Variants in ATP6V1A observed in about 807,000 individuals in gnomAD.
ATP6V1A encodes V-type proton ATPase catalytic subunit A.
A neutral mutation model predicts 70.1 loss-of-function variants in ATP6V1A; 18 were observed. That is an observed-to-expected ratio of 0.26 (90% confidence interval 0.18 to 0.38). The LOEUF (loss-of-function observed/expected upper bound fraction) is 0.38. Among genes scored for constraint, ATP6V1A ranks in the 10% least tolerant of loss-of-function variants. The probability of loss-of-function intolerance (pLI) is 1.00; values close to 1 mark genes in which losing one functional copy is unlikely to be tolerated. For missense variants in ATP6V1A, 424 were observed against 772.4 expected (o/e 0.55, Z 5.35); for synonymous variants, 232 against 253.8 (o/e 0.91, Z 0.82).
intron 1 of ATP6V1A, among the ~76,000 whole-genome samples, chr3:113,770,975 AT>A (rs904823686): frequency 2.8e-4 from 43 of 151,590 alleles, no homozygotes; most frequent in African/African-American, 1.0e-3. Context: ...CATGCCTGTA[AT>A]TCCAGCTACT....
chr3:113,758,411 C>A (rs781000023), intron 1 of ATP6V1A, among the ~76,000 whole-genome samples: 77 of 152,258 alleles, frequency 5.1e-4, no homozygotes, highest in African/African-American at 1.8e-3. Context: ...CTTTGTTCCT[C>A]TTTTTAATCC....
At chr3:113,774,786 C>G (rs1708889047) in intron 1 of ATP6V1A, among the ~76,000 whole-genome samples, 1 of 148,420 alleles carries the variant, frequency 6.7e-6, no homozygotes, top group East Asian at 2.0e-4. Context: ...GCACTCCAGC[C>G]TGGGTGACAG....
rs879463607 is a variant in ATP6V1A, at chr3:113,785,696, C to G, written c.565-536C>G. Among the ~76,000 whole-genome samples the G allele has an allele frequency of 4.0e-5, 6 of 148,492 alleles. No individual in the cohort carries two copies. In the East Asian group the frequency reaches 1.2e-3, roughly 30 times the overall value. Reference sequence around the variant, plus strand: ...GTTAATTTTTTTTTTTTGAGATGGACTCTTGCTCTGTCACCAGGCTAGAGT... The same window carrying G: ...GTTAATTTTTTTTTTTTGAGATGGAGTCTTGCTCTGTCACCAGGCTAGAGT... On this transcript the variant is annotated intron_variant, in intron 5 of 14. Coordinates refer to ENST00000273398, the MANE Select transcript of ATP6V1A (RefSeq NM_001690.4).
At chr3:113,771,913 G>C (rs776133594) in intron 1 of ATP6V1A, among the ~76,000 whole-genome samples, 1 of 152,170 alleles carries the variant, frequency 6.6e-6, no homozygotes, top group Non-Finnish European at 1.5e-5. Context: ...GCTTACGGTA[G>C]AGTGCTATAG....
intron 12 of ATP6V1A, among the ~76,000 whole-genome samples, chr3:113,802,590 G>A (rs1294602951): frequency 6.6e-6 from 1 of 152,018 alleles, no homozygotes; most frequent in Non-Finnish European, 1.5e-5. Context: ...GCCTCCCAAA[G>A]TGCTGGGATT....
intron 1 of ATP6V1A, among the ~76,000 whole-genome samples, chr3:113,773,190 G>T (rs1708868966): frequency 1.3e-5 from 2 of 151,870 alleles, no homozygotes; most frequent in African/African-American, 2.4e-5. Context: ...CACCCGCCTT[G>T]GCCCCCCAAA....
intron 12 of ATP6V1A, among the ~76,000 whole-genome samples, chr3:113,801,705 A>G (rs757934693): frequency 7.9e-5 from 12 of 152,208 alleles, no homozygotes; most frequent in Non-Finnish European, 1.6e-4. Context: ...GAAATACATG[A>G]GAGCTGGAAG....
At chr3:113,782,928 T>C (rs1372026816) in intron 3 of ATP6V1A, among the ~76,000 whole-genome samples, 1 of 152,096 alleles carries the variant, frequency 6.6e-6, no homozygotes, top group Non-Finnish European at 1.5e-5. Context: ...TTTTTTTCAC[T>C]TAAAAGTATG....
chr3:113,765,075 A>G (rs1708753023), intron 1 of ATP6V1A, among the ~76,000 whole-genome samples: 1 of 151,964 alleles, frequency 6.6e-6, no homozygotes, highest in Admixed American at 6.6e-5. Context: ...ACTTAAAATA[A>G]TTGACCAGAA....
chr3:113,807,990 C>G (rs1242341045), intron 14 of ATP6V1A, among the ~76,000 whole-genome samples: 4 of 151,794 alleles, frequency 2.6e-5, no homozygotes, highest in African/African-American at 4.8e-5. Flanking sequence ...ATTAGCTGGG[C>G]GTGATGGTGC....
chr3:113,801,811 A>C (rs1358628100), intron 12 of ATP6V1A, among the ~76,000 whole-genome samples: 1 of 152,176 alleles, frequency 6.6e-6, no homozygotes, highest in Non-Finnish European at 1.5e-5. Flanking sequence ...AGACACTTGC[A>C]CAAAATAAAA....
chr3:113,794,929 ACT>A lies in ATP6V1A; in HGVS notation c.1049_1050del (p.Ser350TyrfsTer3). ...GGCTATCATGTCAGTATGATGGCTG[ACT>A]CTACCTCTAGATGGGCTGAGGCCCT... On this transcript the variant is annotated frameshift_variant, in exon 9 of 15. Transcript: ENST00000273398. LOFTEE classifies it high-confidence loss of function. The A allele has an allele frequency of 6.2e-7, 1 of 1,613,792 alleles. No homozygotes were observed. The highest frequency in any genetic ancestry group is 8.5e-7 in the Non-Finnish European group (1 of 1,179,910).
chr3:113,805,500 A>G lies in ATP6V1A; in HGVS notation c.1736A>G (p.Tyr579Cys), dbSNP rs139675144. ...CGTGAGCACATGGGAGACATCCTCT[A>G]TAAACTTTCCTCCATGAAATTCAAG... ...IIREHMGDIL[Y>C]KLSSMKFKDP... is the part of the protein sequence containing the mutation. The change falls in exon 14 of 15, where the codon TAT (tyrosine) becomes TGT (cysteine). Residue 579 changes from tyrosine to cysteine, a missense_variant. Tyr to Cys is a radical substitution (Grantham distance 194, BLOSUM62 -2). Coordinates refer to ENST00000273398, the MANE Select transcript of ATP6V1A (RefSeq NM_001690.4). 2.4e-5 allele frequency: 39 copies of G among 1,612,288 alleles called. No homozygotes were observed. Among genetic ancestry groups the G allele is most frequent in the Non-Finnish European group, 3.1e-5 (36 of 1,179,388 alleles).
chr3:113,761,456 G>C (rs1483899494), intron 1 of ATP6V1A, among the ~76,000 whole-genome samples: 1 of 151,884 alleles, frequency 6.6e-6, no homozygotes, highest in Non-Finnish European at 1.5e-5. Context: ...ATAAGTTTCG[G>C]CTGGGCTTGG....
chr3:113,778,149 T>C (rs551669462), intron 1 of ATP6V1A, among the ~76,000 whole-genome samples: 58 of 152,204 alleles, frequency 3.8e-4, no homozygotes, highest in African/African-American at 1.4e-3. Flanking sequence ...GTCCCAGCAC[T>C]TTGGGAGGCT....
intron 11 of ATP6V1A, 73 bp from the exon 12 acceptor site, chr3:113,798,170 C>T: frequency 1.3e-6 from 2 of 1,512,832 alleles, no homozygotes; most frequent in African/African-American, 1.4e-5. Flanking sequence ...TTGGGACAAA[C>T]ATGCTTCGGT....
At chr3:113,785,330 G>C (rs1057016735) in intron 5 of ATP6V1A, among the ~76,000 whole-genome samples, 1 of 151,988 alleles carries the variant, frequency 6.6e-6, no homozygotes, top group Non-Finnish European at 1.5e-5. Flanking sequence ...ATCCCAGCTA[G>C]TTGAAAGGCT....
chr3:113,806,223 C>G (rs1330060948), intron 14 of ATP6V1A, among the ~76,000 whole-genome samples: 1 of 152,170 alleles, frequency 6.6e-6, no homozygotes, highest in African/African-American at 2.4e-5. Flanking sequence ...ACTCTCCAGC[C>G]TGGGCAACAC....
At chr3:113,776,016 G>C (rs1285042654) in intron 1 of ATP6V1A, among the ~76,000 whole-genome samples, 3 of 151,952 alleles carry the variant, frequency 2.0e-5, no homozygotes, top group African/African-American at 7.3e-5. Flanking sequence ...ACAGTCCCAT[G>C]CCTGCTCTTA....
Sources: allele counts gnomAD v4.1 joint callset (sites outside exome capture counted in the v4.1 genomes callset), GRCh38; gene constraint gnomAD v4.1.1; transcripts MANE v1.5; gene names NCBI Gene and HGNC (gene_info 2026-07-23, HGNC 2026-07-21).